The following MCFD2 variants were observed in gnomAD, a reference collection of about 807,000 sequenced individuals.
MCFD2 encodes the protein multiple coagulation factor deficiency 2, ER cargo receptor complex subunit.
A neutral mutation model predicts 12.8 loss-of-function variants in MCFD2; 11 were observed. That is an observed-to-expected ratio of 0.86 (90% CI 0.54 to 1.42). The LOEUF (loss-of-function observed/expected upper bound fraction) is 1.42, where lower values mean the gene tolerates loss of function less well. MCFD2 is among the 40% of genes most tolerant of loss of function. MCFD2 has a pLI of 0.00. For synonymous variants in MCFD2, 70 were observed against 68.1 expected (o/e 1.03, Z -0.14); for missense variants, 191 against 178.6 (o/e 1.07, Z -0.40).
chr2:46,940,428 C>A lies in MCFD2; in HGVS notation c.-8+1144G>T, dbSNP rs368584244. On this transcript the variant is annotated intron_variant, in intron 1 of 2. Transcript: ENST00000409147. The surrounding 1 kb of genome is among the most constrained non-coding windows in gnomAD (Gnocchi z 4.7). ...CCGGGCCCCTGTAAGAGGTCTCCCC[C>A]CAAGGGTGGACCTCGGCTGCCCCCG... 8.5e-5 allele frequency among the ~76,000 whole-genome samples: 13 copies of A among 152,178 alleles called. No individual in the cohort carries two copies. Among genetic ancestry groups the A allele is most frequent in the Non-Finnish European group, 1.5e-4 (10 of 68,030 alleles).
At chr2:46,929,247 G>A (rs1488868049) in intron 1 of MCFD2, among the ~76,000 whole-genome samples, 1 of 152,144 alleles carries the variant, frequency 6.6e-6, no homozygotes, top group Non-Finnish European at 1.5e-5. Flanking sequence ...ACTTTGGGAA[G>A]CTAAGGTAGG....
At chr2:46,929,265 C>T (rs1669567988) in intron 1 of MCFD2, among the ~76,000 whole-genome samples, 1 of 151,860 alleles carries the variant, frequency 6.6e-6, no homozygotes, top group Admixed American at 6.6e-5. Context: ...AGGAAGACTG[C>T]TTGAGGCCCA....
upstream of MCFD2, chr2:46,916,528 C>T (rs1668798485): frequency 6.6e-6 from 1 of 152,632 alleles, no homozygotes; most frequent in African/African-American, 2.4e-5. Flanking sequence ...GAATTCATCC[C>T]TGTATAATCC....
At chr2:46,930,747 G>A (rs140813354) in intron 1 of MCFD2, among the ~76,000 whole-genome samples, 1 of 152,158 alleles carries the variant, frequency 6.6e-6, no homozygotes, top group East Asian at 1.9e-4. Context: ...TGATCCACCC[G>A]CCTCAGCCTC....
chr2:46,924,636 T>C (rs993495657), intron 1 of MCFD2, among the ~76,000 whole-genome samples: 1 of 152,188 alleles, frequency 6.6e-6, no homozygotes, highest in Non-Finnish European at 1.5e-5. Flanking sequence ...CTTTTTTTTT[T>C]TTCCCCTGGA....
In MCFD2 at chr2:46,933,044, CTG is replaced by C. The variant is rs201391208; in HGVS notation, c.-8+8526_-8+8527del. Among the ~76,000 whole-genome samples the C allele has an allele frequency of 4.9e-3, 748 of 152,306 alleles. 5 individuals are homozygous for C. Among genetic ancestry groups the C allele is most frequent in the African/African-American group, 0.017 (716 of 41,554 alleles). On this transcript the variant is annotated intron_variant, in intron 1 of 2. Coordinates refer to the MCFD2 transcript ENST00000409147. ...CCAGCTAAGCTGCACTGAAAAGGCT[CTG>C]AGCCCTTGTGGGTTGGGATGGCTTC...
Position 46,915,804 on chromosome 2 carries a change from T to TCGGGGGGGGGGGGGGGGGGGG in MCFD2, c.-89_-88insCCCCCCCCCCCCCCCCCCCCG. On this transcript the variant is annotated 5_prime_UTR_variant, in exon 1 of 4. Coordinates refer to ENST00000319466, the MANE Select transcript of MCFD2 (RefSeq NM_139279.6). ...GTCCCCAAAACGCTCTTCCTCGGCTTCGCCCCGCCCCCCCCCCCCCCCCGA... is the reference window on the plus strand; with the variant it reads ...GTCCCCAAAACGCTCTTCCTCGGCTTCGGGGGGGGGGGGGGGGGGGGCGCCCCGCCCCCCCCCCCCCCCCGA... The TCGGGGGGGGGGGGGGGGGGGG allele has an allele frequency of 1.8e-6, 1 of 568,430 alleles. No homozygotes were observed. The highest frequency in any genetic ancestry group is 2.0e-6 in the Non-Finnish European group (1 of 510,736). 35.2% of individuals were successfully genotyped at this position (568,430 alleles called of 1,614,324 possible).
intron 1 of MCFD2, among the ~76,000 whole-genome samples, chr2:46,932,254 A>G (rs892446446): frequency 6.6e-6 from 1 of 151,906 alleles, no homozygotes; most frequent in Non-Finnish European, 1.5e-5. Context: ...GGTTCAAGCA[A>G]TTCCTGTGCC....
rs924860958 is a variant in MCFD2 at position 46,941,310 on chromosome 2, C to T, written c.-8+262G>A. ...AGGTTGCTCCTGTACGCGTACGGGC[C>T]GCTCGGCCGGAGCCGCAGCCCGGAG... is the stretch of plus-strand genomic sequence containing the variant. On this transcript the variant is annotated intron_variant, in intron 1 of 2. Coordinates refer to the MCFD2 transcript ENST00000409147. This position sits in a 1 kb window ranked among gnomAD's most constrained non-coding sequence, Gnocchi z 4.2. 27 of 194,950 alleles carry T rather than the reference C, an allele frequency of 1.4e-4. No homozygotes were observed. The highest frequency in any genetic ancestry group is 1.6e-4 in the South Asian group (1 of 6,192). 12.1% of individuals were successfully genotyped at this position (194,950 alleles called of 1,614,324 possible). A position where few individuals can be genotyped will look rare whatever the true frequency, so the allele number is the denominator to read the frequency against.
Position 46,907,812 on chromosome 2 carries a change from CCTT to C in MCFD2, c.304_306del (p.Lys102del). On this transcript the variant is annotated inframe_deletion, in exon 3 of 4. Coordinates refer to ENST00000319466, the MANE Select transcript of MCFD2 (RefSeq NM_139279.6). This position sits in a 1 kb window ranked among gnomAD's most constrained non-coding sequence, Gnocchi z 4.1. ...CCCCAAGCCACTGCCAGACCTACCT[CCTT>C]ATGGACATGAGTGATGGCTGTGGAG... 6.2e-7 allele frequency: 1 copy of C among 1,614,136 alleles called. No individual in the cohort carries two copies. Among genetic ancestry groups the C allele is most frequent in the Non-Finnish European group, 8.5e-7 (1 of 1,180,004 alleles).
intron 1 of MCFD2, among the ~76,000 whole-genome samples, chr2:46,938,782 G>C (rs1670103565): frequency 6.6e-6 from 1 of 152,150 alleles, no homozygotes; most frequent in Admixed American, 6.5e-5. Flanking sequence ...GGGAGGCCAA[G>C]GCGGGCAGAT....
intron 1 of MCFD2, among the ~76,000 whole-genome samples, chr2:46,931,552 C>G (rs1038670044): frequency 2.6e-5 from 4 of 152,032 alleles, no homozygotes; most frequent in Non-Finnish European, 5.9e-5. Flanking sequence ...CCCATGGAAG[C>G]AAAGGTTGGA....
Position 46,941,512 on chromosome 2 carries a change from C to G in MCFD2, c.-8+60G>C. 6.5e-7 allele frequency: 1 copy of G among 1,547,596 alleles called. No individual in the cohort carries two copies. Among genetic ancestry groups the G allele is most frequent in the Middle Eastern group, 1.8e-4 (1 of 5,698 alleles). On this transcript the variant is annotated intron_variant, in intron 1 of 2. Coordinates refer to the MCFD2 transcript ENST00000409147. This position sits in a 1 kb window ranked among gnomAD's most constrained non-coding sequence, Gnocchi z 4.2. ...CCCGGCCGGGTCTCCACTTCTTGGC[C>G]GCACCTTCCATGACAGCGCCCGCGA...
rs1282806514 is a variant in MCFD2 at position 46,907,803 on chromosome 2, G to C, written c.309+7C>G. Reference sequence around the variant, plus strand: ...GATACAGTCCCCCAAGCCACTGCCAGACCTACCTCCTTATGGACATGAGTG... The same window carrying C: ...GATACAGTCCCCCAAGCCACTGCCACACCTACCTCCTTATGGACATGAGTG... On this transcript the variant is annotated splice_region_variant and intron_variant, in intron 3 of 3. Transcript: ENST00000319466. The surrounding 1 kb of genome is among the most constrained non-coding windows in gnomAD (Gnocchi z 4.1). 4.3e-6 allele frequency: 7 copies of C among 1,613,856 alleles called. No homozygotes were observed. Among genetic ancestry groups the C allele is most frequent in the Non-Finnish European group, 5.9e-6 (7 of 1,179,958 alleles).
rs980845521 is a variant in MCFD2, at chr2:46,902,133, C to A, written c.*3330G>T. The A allele has an allele frequency of 6.6e-6, 1 of 152,632 alleles. No homozygotes were observed. Among genetic ancestry groups the A allele is most frequent in the Non-Finnish European group, 1.5e-5 (1 of 68,034 alleles). 9.5% of individuals were successfully genotyped at this position (152,632 alleles called of 1,614,324 possible). A position where few individuals can be genotyped will look rare whatever the true frequency, so the allele number is the denominator to read the frequency against. ...TTTCAGGTTTTCTATTACAGAACGT[C>A]CATCACATCCAATAAACCAAATTAC... is the stretch of plus-strand genomic sequence containing the variant. On this transcript the variant is annotated 3_prime_UTR_variant, in exon 4 of 4. Transcript: ENST00000319466.
In MCFD2 at chr2:46,940,065, G is replaced by C. The variant is rs1380110580; in HGVS notation, c.-8+1507C>G. 6.6e-6 allele frequency among the ~76,000 whole-genome samples: 1 copy of C among 152,072 alleles called. No individual in the cohort carries two copies. Among genetic ancestry groups the C allele is most frequent in the Non-Finnish European group, 1.5e-5 (1 of 68,020 alleles). On this transcript the variant is annotated intron_variant, in intron 1 of 2. Coordinates refer to the MCFD2 transcript ENST00000409147. This position sits in a 1 kb window ranked among gnomAD's most constrained non-coding sequence, Gnocchi z 4.7. ...TCCACATGGGAGTCGGGGGTCAGTG[G>C]GAACAGGAAGACTGTCTTCAACTAA...
Position 46,904,664 on chromosome 2 carries a change from C to A in MCFD2, c.*799G>T, listed in dbSNP as rs1236896388. On this transcript the variant is annotated 3_prime_UTR_variant, in exon 4 of 4. Coordinates refer to ENST00000319466, the MANE Select transcript of MCFD2 (RefSeq NM_139279.6). Reference sequence around the variant, plus strand: ...CAGCCGTCTTTAATCAATACCTGTACCCCTGTTGGTATCTAGGAAGTAACT... The same window carrying A: ...CAGCCGTCTTTAATCAATACCTGTAACCCTGTTGGTATCTAGGAAGTAACT... The A allele has an allele frequency of 1.3e-5, 2 of 152,404 alleles. No homozygotes were observed. Among genetic ancestry groups the A allele is most frequent in the Admixed American group, 1.3e-4 (2 of 15,294 alleles). The allele number at this position is 152,404 out of a possible 1,614,324, so 9.4% of individuals were successfully genotyped here.
chr2:46,915,804 T>TCGGGGGGGGGGGGGGG lies in MCFD2; in HGVS notation c.-89_-88insCCCCCCCCCCCCCCCG. Reference sequence around the variant, plus strand: ...GTCCCCAAAACGCTCTTCCTCGGCTTCGCCCCGCCCCCCCCCCCCCCCCGA... The same window carrying TCGGGGGGGGGGGGGGG: ...GTCCCCAAAACGCTCTTCCTCGGCTTCGGGGGGGGGGGGGGGCGCCCCGCCCCCCCCCCCCCCCCGA... On this transcript the variant is annotated 5_prime_UTR_variant, in exon 1 of 4. Transcript: ENST00000319466. The TCGGGGGGGGGGGGGGG allele has an allele frequency of 3.5e-6, 2 of 568,430 alleles. No homozygotes were observed. Among genetic ancestry groups the TCGGGGGGGGGGGGGGG allele is most frequent in the Non-Finnish European group, 3.9e-6 (2 of 510,736 alleles). The allele number at this position is 568,430 out of a possible 1,614,324, so 35.2% of individuals were successfully genotyped here.
At chr2:46,934,852 G>A (rs927156257) in intron 1 of MCFD2, among the ~76,000 whole-genome samples, 1 of 131,066 alleles carries the variant, frequency 7.6e-6, no homozygotes. Flanking sequence ...CCAGGCTGGA[G>A]TGCAGTGGCA....
Sources: allele counts gnomAD v4.1 joint callset (sites outside exome capture counted in the v4.1 genomes callset), GRCh38; gene constraint gnomAD v4.1.1; non-coding constraint Gnocchi (gnomAD v3.1); transcripts MANE v1.5; gene names NCBI Gene and HGNC (gene_info 2026-07-23, HGNC 2026-07-21).